PPIB: variants seen among roughly 807,000 people sequenced by gnomAD.
PPIB encodes the protein peptidylprolyl isomerase B, also known as peptidyl-prolyl cis-trans isomerase B.
A neutral mutation model predicts 20.1 loss-of-function variants in PPIB; 15 were observed. The observed-to-expected ratio is 0.75, with a 90% CI of 0.50 to 1.15. The LOEUF (loss-of-function observed/expected upper bound fraction) is 1.15. PPIB is among the 50% of genes most tolerant of loss of function. The pLI is 0.00. For missense variants in PPIB, 278 were observed against 283.0 expected (o/e 0.98, Z 0.13); for synonymous variants, 129 against 111.0 (o/e 1.16, Z -1.02).
chr15:64,157,225 G>A lies in PPIB; in HGVS notation c.344-316C>T, dbSNP rs1432544949. 3 of 401,522 alleles carry A rather than the reference G, an allele frequency of 7.5e-6. No individual in the cohort carries two copies. Among genetic ancestry groups the A allele is most frequent in the Non-Finnish European group, 1.4e-5 (3 of 216,264 alleles). The allele number at this position is 401,522 out of a possible 1,614,324, so 24.9% of individuals were successfully genotyped here. ...CTTAGCTATGGCCCAGGCCTGCCAC[G>A]GAGGGACTTTGGTGGAGGGAAGTGC... On this transcript the variant is annotated intron_variant, in intron 3 of 4. Coordinates refer to ENST00000300026, the MANE Select transcript of PPIB (RefSeq NM_000942.5). This position sits in a 1 kb window ranked among gnomAD's most constrained non-coding sequence, Gnocchi z 4.2.
At position 64,157,640 on chromosome 15, in the gene PPIB, G is replaced by T. The variant is rs3784381; in HGVS notation, c.344-731C>A. Among the ~76,000 whole-genome samples, 27,964 of 152,092 alleles carry T rather than the reference G, an allele frequency of 0.18. 3,405 individuals are homozygous for T. Among genetic ancestry groups the T allele is most frequent in the African/African-American group, 0.35 (14,619 of 41,462 alleles). ...CCCCTTGGAGACTGACACTGTGCAT[G>T]AGGCCCCAAGAAACTCAGCCAAAAA... On this transcript the variant is annotated intron_variant, in intron 3 of 4. Coordinates refer to ENST00000300026, the MANE Select transcript of PPIB (RefSeq NM_000942.5). The surrounding 1 kb of genome is among the most constrained non-coding windows in gnomAD (Gnocchi z 4.2).
Position 64,160,335 on chromosome 15 carries a change from G to T in PPIB, c.250-138C>A. 2 of 741,572 alleles carry T rather than the reference G, an allele frequency of 2.7e-6. No individual in the cohort carries two copies. The highest frequency in any genetic ancestry group is 4.8e-6 in the Non-Finnish European group (2 of 414,444). The allele number at this position is 741,572 out of a possible 1,614,324, so 45.9% of individuals were successfully genotyped here. A position where few individuals can be genotyped will look rare whatever the true frequency, so the allele number is the denominator to read the frequency against. ...CTGCTGACCACTTTCACTGTTCAGT[G>T]TGCTACTAAGTGAGCGGGCAGGCGC... On this transcript the variant is annotated intron_variant, in intron 2 of 4. Transcript: ENST00000300026. This position sits in a 1 kb window ranked among gnomAD's most constrained non-coding sequence, Gnocchi z 4.8.
rs1238501699 is a variant in PPIB, at chr15:64,162,100, G to C, written c.190C>G (p.Leu64Val). The C allele has an allele frequency of 5.6e-6, 9 of 1,614,160 alleles. No individual in the cohort carries two copies. The Middle Eastern group carries it at 4.9e-4, about 89-fold the overall frequency. Residue 64 changes from leucine (L) to valine (V), a missense_variant, in exon 2 of 5, where the codon CTC becomes GTC. Coordinates refer to ENST00000300026, the MANE Select transcript of PPIB (RefSeq NM_000942.5). Reference protein sequence around the residue: ...DEDVGRVIFGLFGKTVPKTVD... With the variant: ...DEDVGRVIFGVFGKTVPKTVD... ...GTTTTTGGAACAGTCTTTCCGAAGA[G>C]ACCAAAGATCACCCGGCCTACATCT...
chr15:64,156,678 T>A lies in PPIB; in HGVS notation c.528+47A>T. On this transcript the variant is annotated intron_variant, in intron 4 of 4. Coordinates refer to ENST00000300026, the MANE Select transcript of PPIB (RefSeq NM_000942.5). The surrounding 1 kb of genome is among the most constrained non-coding windows in gnomAD (Gnocchi z 6.4). ...CTCCTGCCCTGGGGTCTGTGTTGAA[T>A]CCCCGGTGAGGATTGCCCAGTAGTA... is the stretch of plus-strand genomic sequence containing the variant. The A allele has an allele frequency of 6.2e-7, 1 of 1,609,214 alleles. No individual in the cohort carries two copies. The highest frequency in any genetic ancestry group is 8.5e-7 in the Non-Finnish European group (1 of 1,175,596).
rs2081532186 is a variant in PPIB, at chr15:64,156,454, CA to C, written c.528+270del. 2 of 617,172 alleles carry C rather than the reference CA, an allele frequency of 3.2e-6. No individual in the cohort carries two copies. Among genetic ancestry groups the C allele is most frequent in the Admixed American group, 2.7e-5 (1 of 37,210 alleles). The allele number at this position is 617,172 out of a possible 1,614,324, so 38.2% of individuals were successfully genotyped here. A position where few individuals can be genotyped will look rare whatever the true frequency, so the allele number is the denominator to read the frequency against. On this transcript the variant is annotated intron_variant, in intron 4 of 4. Coordinates refer to ENST00000300026, the MANE Select transcript of PPIB (RefSeq NM_000942.5). This position sits in a 1 kb window ranked among gnomAD's most constrained non-coding sequence, Gnocchi z 6.4. ...GCGTTCAGCTGCACTCTGTATACCT[CA>C]GGGGTGGGACCAGCACGTCACTGAG...
chr15:64,156,997 G>T lies in PPIB; in HGVS notation c.344-88C>A. 7.3e-7 allele frequency: 1 copy of T among 1,374,862 alleles called. No individual in the cohort carries two copies. Among genetic ancestry groups the T allele is most frequent in the Non-Finnish European group, 1.0e-6 (1 of 983,778 alleles). The allele number at this position is 1,374,862 out of a possible 1,614,324, so 85.2% of individuals were successfully genotyped here. A position where few individuals can be genotyped will look rare whatever the true frequency, so the allele number is the denominator to read the frequency against. On this transcript the variant is annotated intron_variant, in intron 3 of 4. Transcript: ENST00000300026. The surrounding 1 kb of genome is among the most constrained non-coding windows in gnomAD (Gnocchi z 6.4). ...GGCCAGGACTGAGGGGGCTTAACCT[G>T]TCCTCTGTGCCAGGCTAGGCTGGAG...
rs2081528038 is a variant in PPIB, at chr15:64,156,052, C to T, written c.622G>A (p.Glu208Lys). ...TCCTTGGCGATGGCAAAGGGCTTCT[C>T]CACCTCGATCTTGCCGCAGTCTGCG... ...IIADCGKIEV[E>K]KPFAIAKE The change falls in exon 5 of 5, where the codon GAG becomes AAG. Residue 208 changes from glutamate (E) to lysine (K), a missense_variant. Glu to Lys is a moderately conservative substitution (Grantham distance 56). Coordinates refer to ENST00000300026, the MANE Select transcript of PPIB (RefSeq NM_000942.5). The surrounding 1 kb of genome is among the most constrained non-coding windows in gnomAD (Gnocchi z 6.4). 6.2e-7 allele frequency: 1 copy of T among 1,614,086 alleles called. No homozygotes were observed. The highest frequency in any genetic ancestry group is 1.7e-5 in the Admixed American group (1 of 59,996).
Position 64,156,966 on chromosome 15 carries a change from ATTCGGGGCCAG to A in PPIB, c.344-68_344-58del. 6.4e-7 allele frequency: 1 copy of A among 1,570,302 alleles called. No homozygotes were observed. Among genetic ancestry groups the A allele is most frequent in the Non-Finnish European group, 8.7e-7 (1 of 1,143,864 alleles). On this transcript the variant is annotated intron_variant, in intron 3 of 4. Coordinates refer to ENST00000300026, the MANE Select transcript of PPIB (RefSeq NM_000942.5). This position sits in a 1 kb window ranked among gnomAD's most constrained non-coding sequence, Gnocchi z 6.4. ...CTGGATTGCGCCAAACCAAGCAGAC[ATTCGGGGCCAG>A]GACTGAGGGGGCTTAACCTGTCCTC...
Position 64,156,587 on chromosome 15 carries a change from C to G in PPIB, c.528+138G>C, listed in dbSNP as rs2081533345. Reference sequence around the variant, plus strand: ...GAGGCATGGAGGTACAGGGTTTATTCTGGACAGGAGCACTGGGCTGCATCT... The same window carrying G: ...GAGGCATGGAGGTACAGGGTTTATTGTGGACAGGAGCACTGGGCTGCATCT... On this transcript the variant is annotated intron_variant, in intron 4 of 4. Coordinates refer to ENST00000300026, the MANE Select transcript of PPIB (RefSeq NM_000942.5). This position sits in a 1 kb window ranked among gnomAD's most constrained non-coding sequence, Gnocchi z 6.4. 3.7e-6 allele frequency: 4 copies of G among 1,073,484 alleles called. No homozygotes were observed. The highest frequency in any genetic ancestry group is 5.8e-6 in the Non-Finnish European group (4 of 692,420). The allele number at this position is 1,073,484 out of a possible 1,614,324, so 66.5% of individuals were successfully genotyped here. A position where few individuals can be genotyped will look rare whatever the true frequency, so the allele number is the denominator to read the frequency against.
Position 64,162,883 on chromosome 15 carries a change from T to C in PPIB, c.104A>G (p.Glu35Gly), listed in dbSNP as rs752960312. 1.2e-6 allele frequency: 2 copies of C among 1,612,520 alleles called. No homozygotes were observed. The highest frequency in any genetic ancestry group is 1.7e-6 in the Non-Finnish European group (2 of 1,179,536). Residue 35 changes from glutamate (E) to glycine (G), a missense_variant, in exon 1 of 5, where the codon GAG becomes GGG. Physicochemically the swap from Glu to Gly is moderately conservative, Grantham distance 98. Coordinates refer to ENST00000300026, the MANE Select transcript of PPIB (RefSeq NM_000942.5). ...GGTGACTTTGGGCCCCTTCTTCTTC[T>C]CATCGGCCGCAGAAGGTCCCGGCAG... ...LLLPGPSAAD[E>G]KKKGPKVTVK... is the part of the protein sequence containing the mutation.
Position 64,156,329 on chromosome 15 carries a change from G to T in PPIB, c.529-184C>A. 2.4e-6 allele frequency: 2 copies of T among 823,942 alleles called. No homozygotes were observed. The highest frequency in any genetic ancestry group is 1.5e-5 in the South Asian group (1 of 64,976). 51.0% of individuals were successfully genotyped at this position (823,942 alleles called of 1,614,324 possible). ...GCAGGGAGAATGCAGATTTGACGAG[G>T]GGGTACAGGAATTTTGTTCCTTTGA... On this transcript the variant is annotated intron_variant, in intron 4 of 4. Transcript: ENST00000300026. The surrounding 1 kb of genome is among the most constrained non-coding windows in gnomAD (Gnocchi z 6.4).
chr15:64,162,768 AG>A, intron 1 of PPIB, 83 bp downstream of exon 1: 1 of 1,555,780 alleles, frequency 6.4e-7, no homozygotes, highest in Admixed American at 1.9e-5. Context: ...ACAGAAGCCG[AG>A]GGAGGAGGGG....
rs1596029787 is a variant in PPIB, at chr15:64,159,004, C to T, written c.343+1100G>A. On this transcript the variant is annotated intron_variant, in intron 3 of 4. Coordinates refer to ENST00000300026, the MANE Select transcript of PPIB (RefSeq NM_000942.5). This position sits in a 1 kb window ranked among gnomAD's most constrained non-coding sequence, Gnocchi z 5.1. ...ACAGGAAACTGAAGCTCCAAGGACT[C>T]ACTTGCCTGAGGTCACAAAACAAGA... Among the ~76,000 whole-genome samples, 1 of 152,232 alleles carries T rather than the reference C, an allele frequency of 6.6e-6. No homozygotes were observed. The highest frequency in any genetic ancestry group is 2.4e-5 in the African/African-American group (1 of 41,456).
In PPIB at chr15:64,155,989, C is replaced by G; in HGVS notation, c.*34G>C. The G allele has an allele frequency of 6.2e-7, 1 of 1,614,032 alleles. No individual in the cohort carries two copies. The highest frequency in any genetic ancestry group is 8.5e-7 in the Non-Finnish European group (1 of 1,179,966). ...CCTGTGGCGGACTACAGGGCCTGCA[C>G]AGACGGTCACTCAAAGAAAGATGTC... On this transcript the variant is annotated 3_prime_UTR_variant, in exon 5 of 5. Coordinates refer to ENST00000300026, the MANE Select transcript of PPIB (RefSeq NM_000942.5).
Position 64,162,852 on chromosome 15 carries a change from C to T in PPIB, c.135G>A (p.Lys45=). Residue 45 remains lysine (K), a splice_region_variant and synonymous_variant, in exon 1 of 5, where the codon AAG becomes AAA. Coordinates refer to ENST00000300026, the MANE Select transcript of PPIB (RefSeq NM_000942.5). The part of the protein sequence containing the change: ...EKKKGPKVTV[K]VYFDLRIGDE... ...GTAAATGCCGCGGACTCCACCGGAC[C>T]TTGACGGTGACTTTGGGCCCCTTCT... is the stretch of plus-strand genomic sequence containing the variant. 6.2e-7 allele frequency: 1 copy of T among 1,610,920 alleles called. No homozygotes were observed. Among genetic ancestry groups the T allele is most frequent in the Non-Finnish European group, 8.5e-7 (1 of 1,178,944 alleles).
At position 64,163,009 on chromosome 15, in the gene PPIB, C is replaced by T. The variant is rs1311220252; in HGVS notation, c.-23G>A. 11 of 1,610,996 alleles carry T rather than the reference C, an allele frequency of 6.8e-6. No individual in the cohort carries two copies. The highest frequency in any genetic ancestry group is 2.2e-5 in the East Asian group (1 of 44,800). The stretch of plus-strand genomic sequence containing the variant: ...CATCCACAGGCGGAGGCGAAAGCAG[C>T]CCGGACAGCTGAGGCCGGAAGAGGG... On this transcript the variant is annotated 5_prime_UTR_variant, in exon 1 of 5. Coordinates refer to ENST00000300026, the MANE Select transcript of PPIB (RefSeq NM_000942.5).
Position 64,156,387 on chromosome 15 carries a change from G to A in PPIB, c.529-242C>T. On this transcript the variant is annotated intron_variant, in intron 4 of 4. Transcript: ENST00000300026. The surrounding 1 kb of genome is among the most constrained non-coding windows in gnomAD (Gnocchi z 6.4). The stretch of plus-strand genomic sequence containing the variant: ...CCCAGGTTGGGCCAAGGGTGAGGAG[G>A]AGGAAGAGGGTGACCAGGGCATGTG... 3.1e-6 allele frequency: 2 copies of A among 640,778 alleles called. No individual in the cohort carries two copies. The highest frequency in any genetic ancestry group is 4.9e-5 in the Admixed American group (2 of 41,038). The allele number at this position is 640,778 out of a possible 1,614,324, so 39.7% of individuals were successfully genotyped here.
rs1285320736 is a variant in PPIB at position 64,160,271 on chromosome 15, G to T, written c.250-74C>A. 7 of 1,206,142 alleles carry T rather than the reference G, an allele frequency of 5.8e-6. No homozygotes were observed. Among genetic ancestry groups the T allele is most frequent in the Non-Finnish European group, 8.6e-6 (7 of 811,890 alleles). 74.7% of individuals were successfully genotyped at this position (1,206,142 alleles called of 1,614,324 possible). A position where few individuals can be genotyped will look rare whatever the true frequency, so the allele number is the denominator to read the frequency against. On this transcript the variant is annotated intron_variant, in intron 2 of 4. Coordinates refer to ENST00000300026, the MANE Select transcript of PPIB (RefSeq NM_000942.5). The surrounding 1 kb of genome is among the most constrained non-coding windows in gnomAD (Gnocchi z 4.8). The stretch of plus-strand genomic sequence containing the variant: ...GACATTACATTAAATAGGCCTCACA[G>T]GAACAAGTCCACAACTCCTGCTCGC...
chr15:64,156,670 G>A lies in PPIB; in HGVS notation c.528+55C>T, dbSNP rs527635568. 2.1e-5 allele frequency: 33 copies of A among 1,601,874 alleles called. 1 individual carries two copies. In the South Asian group the frequency reaches 3.2e-4, roughly 16 times the overall value. On this transcript the variant is annotated intron_variant, in intron 4 of 4. Transcript: ENST00000300026. The surrounding 1 kb of genome is among the most constrained non-coding windows in gnomAD (Gnocchi z 6.4). The stretch of plus-strand genomic sequence containing the variant: ...ACATGGAGCTCCTGCCCTGGGGTCT[G>A]TGTTGAATCCCCGGTGAGGATTGCC...
Sources: gnomAD v4.1 joint callset for allele counts (sites outside exome capture counted in the v4.1 genomes callset) on GRCh38, gnomAD v4.1.1 for gene constraint, Gnocchi (gnomAD v3.1) non-coding constraint, MANE v1.5 for transcripts, NCBI Gene and HGNC (gene_info 2026-07-23, HGNC 2026-07-21) for gene names.